TBC1D7: variants seen among roughly 807,000 people sequenced by gnomAD.
The protein encoded by TBC1D7 is TBC domain family 7.
A neutral mutation model predicts 35.3 loss-of-function variants in TBC1D7; 33 were observed. That is an observed-to-expected ratio of 0.93 (90% CI 0.71 to 1.25). The LOEUF (loss-of-function observed/expected upper bound fraction) is 1.25. TBC1D7 is among the 50% of genes most tolerant of loss of function. The probability of loss-of-function intolerance (pLI) is 0.00; values close to 1 mark genes in which losing one functional copy is unlikely to be tolerated. For synonymous variants in TBC1D7, 135 were observed against 129.5 expected (o/e 1.04, Z -0.29); for missense variants, 362 against 365.3 (o/e 0.99, Z 0.07).
intron 1 of TBC1D7, 119 bp downstream of exon 1, chr6:13,328,177 C>T (rs893527894): frequency 6.6e-6 from 1 of 152,240 alleles, no homozygotes; most frequent in East Asian, 1.9e-4. Flanking sequence ...CAAAGGCGTC[C>T]TCTAGGAGGA....
At chr6:13,313,788 T>C (rs1341246500) in intron 5 of TBC1D7, among the ~76,000 whole-genome samples, 1 of 152,122 alleles carries the variant, frequency 6.6e-6, no homozygotes, top group Non-Finnish European at 1.5e-5. Context: ...TTCACTTGTC[T>C]AGGTGGAGGA....
intron 5 of TBC1D7, among the ~76,000 whole-genome samples, chr6:13,309,741 C>T (rs1783061655): frequency 6.6e-6 from 1 of 152,162 alleles, no homozygotes; most frequent in Non-Finnish European, 1.5e-5. Flanking sequence ...ATTAGTTGAA[C>T]TCATACTGAA....
At chr6:13,324,221 G>A (rs556335152) in intron 3 of TBC1D7, among the ~76,000 whole-genome samples, 10 of 151,814 alleles carry the variant, frequency 6.6e-5, no homozygotes, top group African/African-American at 2.2e-4. Flanking sequence ...TCTGCCTCCC[G>A]GGTTCAAGCG....
chr6:13,308,652 G>A (rs1025737597), intron 5 of TBC1D7, among the ~76,000 whole-genome samples: 4 of 147,888 alleles, frequency 2.7e-5, no homozygotes, highest in East Asian at 2.0e-4. Context: ...ACCAGGGCCC[G>A]CATCACTTAA....
intron 6 of TBC1D7, 21 bp from the exon 7 acceptor site, chr6:13,306,548 A>G: frequency 6.4e-7 from 1 of 1,557,260 alleles, no homozygotes; most frequent in South Asian, 1.2e-5. Flanking sequence ...AAGGAGATAT[A>G]ATCAAATTAT....
At chr6:13,323,223 C>T (rs752558793) in intron 3 of TBC1D7, among the ~76,000 whole-genome samples, 12 of 151,950 alleles carry the variant, frequency 7.9e-5, no homozygotes, top group Non-Finnish European at 1.5e-4. Flanking sequence ...CGTGGGGGTG[C>T]GCGCCTGTAG....
intron 5 of TBC1D7, among the ~76,000 whole-genome samples, chr6:13,309,166 T>C (rs954290323): frequency 6.6e-6 from 1 of 152,200 alleles, no homozygotes; most frequent in African/African-American, 2.4e-5. Flanking sequence ...GGAAATTTGG[T>C]TGGTTTTGCA....
At chr6:13,323,784 A>G (rs1020684739) in intron 3 of TBC1D7, 5 of 152,228 alleles carry the variant, frequency 3.3e-5, no homozygotes, top group Non-Finnish European at 7.4e-5. Context: ...AAGCCCTGAA[A>G]AGATACTACA....
At chr6:13,308,981 C>A (rs1162832314) in intron 5 of TBC1D7, among the ~76,000 whole-genome samples, 1 of 152,234 alleles carries the variant, frequency 6.6e-6, no homozygotes, top group Non-Finnish European at 1.5e-5. Context: ...TTTGAGCTGA[C>A]CTCTGAAGAA....
At chr6:13,320,729 T>A (rs535436115) in intron 4 of TBC1D7, 179 bp downstream of exon 4, 16 of 709,032 alleles carry the variant, frequency 2.3e-5, no homozygotes, top group Middle Eastern at 2.3e-4. Context: ...AAACAAAAAG[T>A]AAGAAGGTTG....
intron 3 of TBC1D7, among the ~76,000 whole-genome samples, chr6:13,322,160 G>A (rs1784087548): frequency 6.6e-6 from 1 of 152,080 alleles, no homozygotes; most frequent in African/African-American, 2.4e-5. Flanking sequence ...AGGCTGAGGT[G>A]GGAGGATCAC....
rs781501035 is a variant in TBC1D7 at position 13,316,697 on chromosome 6, A to T, written c.393T>A (p.Asp131Glu). 1 of 1,613,982 alleles carries T rather than the reference A, an allele frequency of 6.2e-7. No individual in the cohort carries two copies. Among genetic ancestry groups the T allele is most frequent in the Non-Finnish European group, 8.5e-7 (1 of 1,179,932 alleles). Residue 131 changes from aspartate to glutamate, a missense_variant, in exon 5 of 8, where the codon GAT (aspartate) becomes GAA (glutamate). Transcript: ENST00000379300. Reference sequence around the variant, plus strand: ...CTTTAGCTATGGCAAGAAACACTTCATCATCTGGCTCCTGAAAGATTAATA... The same window carrying T: ...CTTTAGCTATGGCAAGAAACACTTCTTCATCTGGCTCCTGAAAGATTAATA... ...RSPSFPLEPD[D>E]EVFLAIAKAM...
intron 4 of TBC1D7, among the ~76,000 whole-genome samples, chr6:13,317,664 G>A (rs1176263175): frequency 6.6e-6 from 1 of 152,170 alleles, no homozygotes; most frequent in African/African-American, 2.4e-5. Flanking sequence ...GAAGAAAAGG[G>A]AAAGGAAAAT....
chr6:13,324,126 G>T (rs1348735913), intron 3 of TBC1D7, among the ~76,000 whole-genome samples: 8 of 143,468 alleles, frequency 5.6e-5, no homozygotes, highest in African/African-American at 2.0e-4. Flanking sequence ...TTTTTTGTTT[G>T]TTTTTTGTTT....
chr6:13,313,804 G>T (rs1783401325), intron 5 of TBC1D7, among the ~76,000 whole-genome samples: 1 of 152,154 alleles, frequency 6.6e-6, no homozygotes, highest in Admixed American at 6.5e-5. Context: ...GAGGAAAGGT[G>T]ATGGTAATTT....
rs1168677051 is a variant in TBC1D7 at position 13,306,587 on chromosome 6, A to C, written c.666-60T>G. On this transcript the variant is annotated intron_variant, in intron 6 of 7. Coordinates refer to ENST00000379300, the MANE Select transcript of TBC1D7 (RefSeq NM_016495.6). ...AGTTTCAGAATTATGTTTAGCCTAG[A>C]CATCTCAAATTACAAAATAAAATCA... The C allele has an allele frequency of 4.5e-6, 6 of 1,327,644 alleles. No homozygotes were observed. In the East Asian group the frequency reaches 1.3e-4, roughly 29 times the overall value. The allele number at this position is 1,327,644 out of a possible 1,614,324, so 82.2% of individuals were successfully genotyped here.
chr6:13,309,134 C>T (rs1783015248), intron 5 of TBC1D7, among the ~76,000 whole-genome samples: 1 of 152,244 alleles, frequency 6.6e-6, no homozygotes, highest in African/African-American at 2.4e-5. Context: ...CTCAATAACA[C>T]TGCAGACAAC....
intron 5 of TBC1D7, among the ~76,000 whole-genome samples, chr6:13,308,361 T>C (rs908691997): frequency 1.3e-5 from 2 of 152,220 alleles, no homozygotes; most frequent in Non-Finnish European, 2.9e-5. Flanking sequence ...GGGTGAACTC[T>C]GTATTCAACA....
chr6:13,326,723 A>G, intron 2 of TBC1D7, 64 bp downstream of exon 2: 1 of 1,068,004 alleles, frequency 9.4e-7, no homozygotes, highest in South Asian at 1.5e-5. Flanking sequence ...TTTTAAGAAA[A>G]TATTTACTTC....
Sources: gnomAD v4.1 joint callset for allele counts (sites outside exome capture counted in the v4.1 genomes callset) on GRCh38, gnomAD v4.1.1 for gene constraint, MANE v1.5 for transcripts, NCBI Gene and HGNC (gene_info 2026-07-23, HGNC 2026-07-21) for gene names.